Variants in KHDRBS2 observed in about 807,000 individuals in gnomAD.
KHDRBS2 encodes KH RNA binding domain containing, signal transduction associated 2, also known as KH domain-containing, RNA-binding, signal transduction-associated protein 2.
A neutral mutation model predicts 44.3 loss-of-function variants in KHDRBS2; 26 were observed. That is an observed-to-expected ratio of 0.59 (90% confidence interval 0.43 to 0.81). The LOEUF (loss-of-function observed/expected upper bound fraction) is 0.81. Among genes scored for constraint, KHDRBS2 ranks in the 40% least tolerant of loss-of-function variants. The pLI is 0.00. For synonymous variants in KHDRBS2, 194 were observed against 151.1 expected (o/e 1.28, Z -2.08); for missense variants, 476 against 433.1 (o/e 1.10, Z -0.88).
At chr6:61,775,741 C>A (rs563022984) in intron 6 of KHDRBS2, among the ~76,000 whole-genome samples, 46 of 152,242 alleles carry the variant, frequency 3.0e-4, no homozygotes, top group African/African-American at 1.0e-3. Flanking sequence ...AGATTCAATG[C>A]CATCCCCATC....
intron 2 of KHDRBS2, among the ~76,000 whole-genome samples, chr6:62,058,506 G>A (rs1790837068): frequency 6.6e-6 from 1 of 151,776 alleles, no homozygotes; most frequent in Non-Finnish European, 1.5e-5. Flanking sequence ...CTATCCTTGT[G>A]TTTGTTGCCA....
At chr6:62,043,937 T>C (rs769488932) in intron 3 of KHDRBS2, among the ~76,000 whole-genome samples, 1 of 151,936 alleles carries the variant, frequency 6.6e-6, no homozygotes, top group African/African-American at 2.4e-5. Context: ...ATTTTCTTAA[T>C]TTTTTTTAAA....
intron 1 of KHDRBS2, among the ~76,000 whole-genome samples, chr6:62,254,696 A>G (rs1361514167): frequency 6.6e-6 from 1 of 152,050 alleles, no homozygotes; most frequent in Non-Finnish European, 1.5e-5. Flanking sequence ...GTGGTATGAA[A>G]TCAGGTCATA....
chr6:62,042,883 C>T (rs1477129800), intron 3 of KHDRBS2, among the ~76,000 whole-genome samples: 5 of 152,120 alleles, frequency 3.3e-5, no homozygotes, highest in Admixed American at 3.3e-4. Context: ...CACCAAACAG[C>T]ACTGTACTTT....
At chr6:61,567,389 C>A in the KHDRBS2 span, among the ~76,000 whole-genome samples, 2 of 152,138 alleles carry the variant, frequency 1.3e-5, no homozygotes, top group African/African-American at 4.8e-5. Context: ...ACATCTTAGA[C>A]TGTTTAGGTG....
At chr6:61,579,416 G>A in the KHDRBS2 span, among the ~76,000 whole-genome samples, 1 of 152,182 alleles carries the variant, frequency 6.6e-6, no homozygotes, top group Non-Finnish European at 1.5e-5. Context: ...ACAGCCTGAA[G>A]CTGAAAGACT....
intron 6 of KHDRBS2, among the ~76,000 whole-genome samples, chr6:61,741,105 C>A (rs1001124739): frequency 6.6e-6 from 1 of 151,868 alleles, no homozygotes; most frequent in Admixed American, 6.6e-5. Context: ...GATATTATTT[C>A]TTGAAAGGCC....
chr6:61,957,603 C>T (rs1767686750), intron 4 of KHDRBS2, among the ~76,000 whole-genome samples: 1 of 152,126 alleles, frequency 6.6e-6, no homozygotes, highest in African/African-American at 2.4e-5. Context: ...AAATTCCTGC[C>T]TAATAATTTT....
At chr6:61,870,159 G>C (rs1161152475) in intron 6 of KHDRBS2, among the ~76,000 whole-genome samples, 1 of 152,088 alleles carries the variant, frequency 6.6e-6, no homozygotes, top group Admixed American at 6.5e-5. Flanking sequence ...CAGCACAGAA[G>C]CAGTCTGAGA....
the KHDRBS2 span, among the ~76,000 whole-genome samples, chr6:61,603,249 T>C: frequency 6.6e-6 from 1 of 152,208 alleles, no homozygotes; most frequent in Non-Finnish European, 1.5e-5. Context: ...CTGTGCCTTA[T>C]CCACCAAATT....
intron 2 of KHDRBS2, among the ~76,000 whole-genome samples, chr6:62,167,013 C>G (rs577673166): frequency 6.6e-6 from 1 of 151,920 alleles, no homozygotes; most frequent in Non-Finnish European, 1.5e-5. Context: ...AGAAAGAATA[C>G]GGGTTTGGAC....
intron 1 of KHDRBS2, among the ~76,000 whole-genome samples, chr6:62,221,388 C>T (rs2150152461): frequency 6.6e-6 from 1 of 151,964 alleles, no homozygotes; most frequent in Non-Finnish European, 1.5e-5. Context: ...ATATAATGTA[C>T]CACATTAGGA....
the KHDRBS2 span, among the ~76,000 whole-genome samples, chr6:61,641,924 G>A: frequency 1.3e-5 from 2 of 152,298 alleles, no homozygotes; most frequent in Admixed American, 6.5e-5. Context: ...ATTGGATTAA[G>A]TACATTCTTT....
intron 1 of KHDRBS2, among the ~76,000 whole-genome samples, chr6:62,266,324 T>C (rs1438875982): frequency 6.6e-6 from 1 of 152,014 alleles, no homozygotes; most frequent in East Asian, 1.9e-4. Flanking sequence ...GGGCTGGCTC[T>C]GGCTGGCAGA....
chr6:61,832,475 T>C (rs1358884), intron 6 of KHDRBS2, among the ~76,000 whole-genome samples: 2 of 151,870 alleles, frequency 1.3e-5, no homozygotes, highest in African/African-American at 4.8e-5. Context: ...CAACCTGACA[T>C]CAGGAAATTT....
intron 2 of KHDRBS2, among the ~76,000 whole-genome samples, chr6:62,141,522 A>C (rs1446283437): frequency 2.6e-5 from 4 of 152,126 alleles, no homozygotes; most frequent in Non-Finnish European, 1.5e-5. Context: ...AGTGAAGCAG[A>C]TGATTTCTAA....
intron 3 of KHDRBS2, among the ~76,000 whole-genome samples, chr6:61,979,492 T>A (rs1489076754): frequency 1.3e-5 from 2 of 152,128 alleles, no homozygotes; most frequent in Non-Finnish European, 2.9e-5. Context: ...CATGTTAATG[T>A]GAGTGTTTAC....
At position 61,776,478 on chromosome 6, in the gene KHDRBS2, G is replaced by T. The variant is rs188033831; in HGVS notation, c.811-43714C>A. On this transcript the variant is annotated intron_variant, in intron 6 of 8. Coordinates refer to ENST00000281156, the MANE Select transcript of KHDRBS2 (RefSeq NM_152688.4). Reference sequence around the variant, plus strand: ...CAACCCTATCAAAAAGTGGGCAAAAGACATGAACAGACACTTCTCAAAAGA... The same window carrying T: ...CAACCCTATCAAAAAGTGGGCAAAATACATGAACAGACACTTCTCAAAAGA... Among the ~76,000 whole-genome samples the T allele has an allele frequency of 9.9e-3, 1,504 of 152,258 alleles. 7 individuals are homozygous for T. Among genetic ancestry groups the T allele is most frequent in the Middle Eastern group, 0.024 (7 of 294 alleles).
At chr6:61,546,564 C>A in the KHDRBS2 span, among the ~76,000 whole-genome samples, 1 of 152,010 alleles carries the variant, frequency 6.6e-6, no homozygotes, top group Admixed American at 6.6e-5. Context: ...AGACACCAAG[C>A]AATTCTAATA....
Sources: gnomAD v4.1 joint callset for allele counts (sites outside exome capture counted in the v4.1 genomes callset) on GRCh38, gnomAD v4.1.1 for gene constraint, MANE v1.5 for transcripts, NCBI Gene and HGNC (gene_info 2026-07-23, HGNC 2026-07-21) for gene names.